The following SP110 variants were observed in gnomAD, a reference collection of about 807,000 sequenced individuals.
SP110 encodes the protein SP110 nuclear body protein.
SP110 carries 62 observed loss-of-function variants against 92.7 expected under a neutral mutation model. That is an observed-to-expected ratio of 0.67 (90% CI 0.55 to 0.83). The LOEUF (loss-of-function observed/expected upper bound fraction) is 0.83. SP110 is among the 40% of genes least tolerant of loss of function. SP110 has a pLI of 0.00. For synonymous variants in SP110, 273 were observed against 305.3 expected, an observed-to-expected ratio of 0.89 and a Z score of 1.10; for missense variants, 793 against 863.9, an observed-to-expected ratio of 0.92 and a Z score of 1.03.
intron 15 of SP110, 112 bp downstream of exon 15, chr2:230,172,732 T>G: frequency 1.4e-6 from 1 of 710,520 alleles, no homozygotes; most frequent in Non-Finnish European, 2.5e-6. Flanking sequence ...GCCCAGAGTC[T>G]CTGGCACCAG....
chr2:230,199,337 T>C (rs1045855157), intron 10 of SP110, among the ~76,000 whole-genome samples: 1 of 150,936 alleles, frequency 6.6e-6, no homozygotes, highest in Non-Finnish European at 1.5e-5. Context: ...GCCTCCCATG[T>C]AGCTGGGATT....
At chr2:230,189,344 T>C (rs1030801390) in intron 10 of SP110, among the ~76,000 whole-genome samples, 2 of 152,202 alleles carry the variant, frequency 1.3e-5, no homozygotes, top group Non-Finnish European at 2.9e-5. Flanking sequence ...TTAAAAGCAC[T>C]GCTTTTGCTG....
At chr2:230,215,468 GC>G (rs2045030742) in intron 2 of SP110, among the ~76,000 whole-genome samples, 1 of 152,202 alleles carries the variant, frequency 6.6e-6, no homozygotes, top group South Asian at 2.1e-4. Flanking sequence ...AAAGCTGTGG[GC>G]AGGATACTTC....
At chr2:230,194,297 A>G (rs1021044174) in intron 10 of SP110, among the ~76,000 whole-genome samples, 1 of 152,030 alleles carries the variant, frequency 6.6e-6, no homozygotes. Context: ...AATAATTTTG[A>G]GTAAAAGAAT....
chr2:230,171,053 G>A (rs72994175), intron 17 of SP110: 31,658 of 509,048 alleles, frequency 0.062, 1,318 homozygotes, highest in Middle Eastern at 0.094. Context: ...GCAAGAAAGT[G>A]GTAGAGCTGA....
intron 12 of SP110, among the ~76,000 whole-genome samples, chr2:230,179,207 A>T (rs955063434): frequency 6.6e-6 from 1 of 152,226 alleles, no homozygotes; most frequent in Non-Finnish European, 1.5e-5. Flanking sequence ...CACAAGGCAG[A>T]TAGAGTGAGA....
At chr2:230,220,457 G>A (rs16826884), upstream of SP110, among the ~76,000 whole-genome samples, 3,726 of 152,262 alleles carry the variant, frequency 0.024, 153 homozygotes, top group African/African-American at 0.085. Flanking sequence ...GAACTTGTCA[G>A]GATAAGATTA....
chr2:230,212,704 T>C (rs1201939097), intron 4 of SP110, 57 bp downstream of exon 4: 30 of 1,604,624 alleles, frequency 1.9e-5, no homozygotes, highest in Middle Eastern at 1.9e-4. Context: ...GGCGGCAACA[T>C]GGCACAGGCA....
At chr2:230,210,814 T>C (rs1021729106) in intron 6 of SP110, among the ~76,000 whole-genome samples, 1 of 152,196 alleles carries the variant, frequency 6.6e-6, no homozygotes, top group African/African-American at 2.4e-5. Context: ...TGGCAAGCAG[T>C]CATTAGATCT....
At chr2:230,206,229 C>T (rs892397997) in intron 8 of SP110, among the ~76,000 whole-genome samples, 1 of 152,094 alleles carries the variant, frequency 6.6e-6, no homozygotes, top group Non-Finnish European at 1.5e-5. Context: ...GTTATCACCT[C>T]CCATTCATTA....
intron 10 of SP110, among the ~76,000 whole-genome samples, chr2:230,186,700 T>C (rs1317149142): frequency 3.3e-5 from 5 of 152,222 alleles, no homozygotes; most frequent in Admixed American, 3.3e-4. Flanking sequence ...TATATCACTC[T>C]GTATGCCTTT....
At chr2:230,220,493 G>A (rs1222802019), upstream of SP110, among the ~76,000 whole-genome samples, 1 of 152,140 alleles carries the variant, frequency 6.6e-6, no homozygotes, top group Non-Finnish European at 1.5e-5. Context: ...GAAATGAAAG[G>A]GAACCTGCAC....
chr2:230,173,150 G>T, intron 14 of SP110, 191 bp from the exon 15 acceptor site: 1 of 585,766 alleles, frequency 1.7e-6, no homozygotes, highest in South Asian at 1.7e-5. Flanking sequence ...CAGAGAGTCT[G>T]GGTGGTGACC....
chr2:230,199,146 TTA>T (rs1329464172), intron 10 of SP110, among the ~76,000 whole-genome samples: 1 of 133,598 alleles, frequency 7.5e-6, no homozygotes, highest in African/African-American at 3.3e-5. Context: ...ATTATTATTA[TTA>T]TTTTTTTTTT....
At chr2:230,213,246 A>G (rs1356827726) in intron 3 of SP110, among the ~76,000 whole-genome samples, 1 of 152,194 alleles carries the variant, frequency 6.6e-6, no homozygotes, top group Non-Finnish European at 1.5e-5. Flanking sequence ...AAGTGCATCT[A>G]AGCCCTGATC....
At chr2:230,184,435 G>A (rs2042265080) in intron 11 of SP110, among the ~76,000 whole-genome samples, 1 of 152,144 alleles carries the variant, frequency 6.6e-6, no homozygotes, top group Non-Finnish European at 1.5e-5. Context: ...GCTGCTACTG[G>A]CATCTAATGG....
intron 10 of SP110, among the ~76,000 whole-genome samples, chr2:230,198,054 T>C (rs1439135376): frequency 6.6e-6 from 1 of 152,222 alleles, no homozygotes; most frequent in African/African-American, 2.4e-5. Context: ...TTTTGGTGGT[T>C]TAACATTGAA....
rs201049659 is a variant in SP110, at chr2:230,172,985, C to T, written c.1591-26G>A. ...CTGCAAGGGCAGATAACGTGGGCAC[C>T]GCTAGGACCATGGAGACCCACGAAT... On this transcript the variant is annotated intron_variant, in intron 14 of 18. Transcript: ENST00000258381. The T allele has an allele frequency of 1.4e-3, 2,068 of 1,487,104 alleles. 2 individuals are homozygous for T. The highest frequency in any genetic ancestry group is 2.1e-3 in the Middle Eastern group (12 of 5,810). The allele number at this position is 1,487,104 out of a possible 1,614,324, so 92.1% of individuals were successfully genotyped here. A position where few individuals can be genotyped will look rare whatever the true frequency, so the allele number is the denominator to read the frequency against.
chr2:230,193,495 A>G (rs991316861), intron 10 of SP110, among the ~76,000 whole-genome samples: 1 of 152,188 alleles, frequency 6.6e-6, no homozygotes, highest in African/African-American at 2.4e-5. Flanking sequence ...GTGCATATCA[A>G]TCTTTCGTTT....
Sources: allele counts gnomAD v4.1 joint callset (sites outside exome capture counted in the v4.1 genomes callset), GRCh38; gene constraint gnomAD v4.1.1; transcripts MANE v1.5; gene names NCBI Gene and HGNC (gene_info 2026-07-23, HGNC 2026-07-21).